Variants in CCDC126 observed in about 807,000 individuals in gnomAD.
CCDC126 encodes coiled-coil domain containing 126.
A neutral mutation model predicts 11.7 loss-of-function variants in CCDC126; 5 were observed. The observed-to-expected ratio is 0.43, with a 90% CI of 0.22 to 0.90. The LOEUF (loss-of-function observed/expected upper bound fraction) is 0.90. CCDC126 is among the 40% of genes least tolerant of loss of function. The probability of loss-of-function intolerance (pLI) is 0.27; values close to 1 mark genes in which losing one functional copy is unlikely to be tolerated. For missense variants in CCDC126, 150 were observed against 163.1 expected, an observed-to-expected ratio of 0.92 and a Z score of 0.44; for synonymous variants, 60 against 61.9, an observed-to-expected ratio of 0.97 and a Z score of 0.14.
At chr7:23,617,826 A>C (rs1782820658) in intron 3 of CCDC126, among the ~76,000 whole-genome samples, 1 of 152,204 alleles carries the variant, frequency 6.6e-6, no homozygotes, top group Non-Finnish European at 1.5e-5. Flanking sequence ...GTCACTTTTG[A>C]TATAAATACT....
chr7:23,627,614 T>C (rs1202745772), intron 3 of CCDC126, among the ~76,000 whole-genome samples: 6 of 151,704 alleles, frequency 4.0e-5, no homozygotes, highest in Admixed American at 3.9e-4. Context: ...AGGAGAATAA[T>C]TTTTGATAGG....
chr7:23,634,755 T>G (rs910328198), intron 3 of CCDC126, among the ~76,000 whole-genome samples: 1 of 152,136 alleles, frequency 6.6e-6, no homozygotes, highest in Admixed American at 6.5e-5. Flanking sequence ...CTTCTTCAGG[T>G]GGGGTCTCTG....
At chr7:23,640,062 A>G (rs890809116) in intron 3 of CCDC126, among the ~76,000 whole-genome samples, 10 of 152,056 alleles carry the variant, frequency 6.6e-5, no homozygotes, top group Admixed American at 3.9e-4. Flanking sequence ...GCATGCTTGT[A>G]ATCCCAGCTA....
At chr7:23,625,028 G>A (rs1782988481) in intron 3 of CCDC126, among the ~76,000 whole-genome samples, 1 of 152,116 alleles carries the variant, frequency 6.6e-6, no homozygotes, top group African/African-American at 2.4e-5. Context: ...TGTTGTTGTT[G>A]AGTCAGGGTC....
chr7:23,636,659 GT>G (rs1176006373), intron 3 of CCDC126, among the ~76,000 whole-genome samples: 1 of 146,014 alleles, frequency 6.8e-6, no homozygotes, highest in African/African-American at 2.6e-5. Flanking sequence ...GAGCCCCTCC[GT>G]CCGGCAGCCA....
intron 2 of CCDC126, among the ~76,000 whole-genome samples, chr7:23,608,559 G>A (rs1473781492): frequency 5.9e-5 from 9 of 152,144 alleles, no homozygotes; most frequent in African/African-American, 2.2e-4. Flanking sequence ...TCTTCTTCCA[G>A]TGTGGCCCAG....
At chr7:23,618,195 T>G (rs904565008) in intron 3 of CCDC126, among the ~76,000 whole-genome samples, 1 of 152,222 alleles carries the variant, frequency 6.6e-6, no homozygotes, top group Middle Eastern at 3.2e-3. Flanking sequence ...TGAACTTCAA[T>G]GTACAGTTGT....
intron 3 of CCDC126, among the ~76,000 whole-genome samples, chr7:23,639,192 CTT>C (rs1245503837): frequency 2.2e-4 from 30 of 137,104 alleles, no homozygotes; most frequent in African/African-American, 2.7e-4. Context: ...TTTTTTATGT[CTT>C]TTTTTTTTTT....
intron 2 of CCDC126, among the ~76,000 whole-genome samples, chr7:23,600,229 C>T (rs1782512868): frequency 6.6e-6 from 1 of 152,186 alleles, no homozygotes; most frequent in South Asian, 2.1e-4. Flanking sequence ...TATTCTGTCT[C>T]CCAAATGTGC....
At chr7:23,617,146 G>A (rs533229617) in intron 3 of CCDC126, among the ~76,000 whole-genome samples, 4 of 151,796 alleles carry the variant, frequency 2.6e-5, no homozygotes, top group South Asian at 2.1e-4. Flanking sequence ...TTAGGAGTTC[G>A]AGACCAGCCT....
intron 3 of CCDC126, chr7:23,622,906 AATT>A (rs1050360335): frequency 1.1e-4 from 38 of 334,974 alleles, no homozygotes; most frequent in Admixed American, 3.9e-5. Flanking sequence ...CAGTAACATG[AATT>A]ATTATTCTGT....
intron 2 of CCDC126, among the ~76,000 whole-genome samples, chr7:23,606,938 A>G (rs1008344775): frequency 1.3e-5 from 2 of 151,886 alleles, no homozygotes; most frequent in African/African-American, 4.8e-5. Flanking sequence ...AAAAAAAAAA[A>G]AGTACAAAAA....
intron 2 of CCDC126, among the ~76,000 whole-genome samples, chr7:23,605,994 G>T (rs115822300): frequency 0.046 from 7,040 of 151,608 alleles, 449 homozygotes; most frequent in African/African-American, 0.14. Flanking sequence ...TTTTTTTTGT[G>T]TGTGTGTGTG....
chr7:23,613,386 G>GT (rs1782747701), intron 3 of CCDC126, among the ~76,000 whole-genome samples: 1 of 151,974 alleles, frequency 6.6e-6, no homozygotes, highest in Non-Finnish European at 1.5e-5. Context: ...AAAAAGGGCA[G>GT]TTTTTTCTAC....
intron 3 of CCDC126, among the ~76,000 whole-genome samples, chr7:23,642,270 C>T (rs1783375239): frequency 6.6e-6 from 1 of 152,132 alleles, no homozygotes; most frequent in Admixed American, 6.5e-5. Flanking sequence ...GCCTCAGCCT[C>T]CCAAAATGCT....
In CCDC126 at chr7:23,621,869, A is replaced by G. The variant is rs764751706; in HGVS notation, c.238+10316A>G. On this transcript the variant is annotated intron_variant, in intron 3 of 3. Transcript: ENST00000307471. ...GGTTTTTGTCTTTGGTTCTGTTTAT[A>G]TGCTGGATTATGTTCATTGATTTGT... 7.8e-4 allele frequency among the ~76,000 whole-genome samples: 119 copies of G among 152,116 alleles called. 2 individuals carry two copies. The highest frequency in any genetic ancestry group is 2.2e-4 in the Non-Finnish European group (15 of 68,020).
At chr7:23,636,695 C>T (rs1783223257) in intron 3 of CCDC126, among the ~76,000 whole-genome samples, 1 of 149,988 alleles carries the variant, frequency 6.7e-6, no homozygotes, top group East Asian at 2.0e-4. Flanking sequence ...TGAGGAGCCC[C>T]TCCGCCTGGC....
At chr7:23,622,666 C>T (rs1457831549) in intron 3 of CCDC126, 1 of 533,764 alleles carries the variant, frequency 1.9e-6, no homozygotes, top group Non-Finnish European at 3.8e-6. Context: ...ACAAAGGAAC[C>T]TATGCAGATG....
At chr7:23,639,474 G>C (rs1783316269) in intron 3 of CCDC126, among the ~76,000 whole-genome samples, 1 of 152,006 alleles carries the variant, frequency 6.6e-6, no homozygotes. Context: ...CAAAGTGCTG[G>C]GATTACAGGC....
Sources: gnomAD v4.1 joint callset for allele counts (sites outside exome capture counted in the v4.1 genomes callset) on GRCh38, gnomAD v4.1.1 for gene constraint, MANE v1.5 for transcripts, NCBI Gene and HGNC (gene_info 2026-07-23, HGNC 2026-07-21) for gene names.